The following MALT1 variants were observed in gnomAD, a reference collection of about 807,000 sequenced individuals.
MALT1 encodes mucosa-associated lymphoid tissue lymphoma translocation protein 1.
In MALT1, 36 loss-of-function variants were observed where a neutral mutation model predicts 85.5. The ratio of observed to expected loss-of-function variants is 0.42; its 90% CI spans 0.32 to 0.56. The LOEUF (loss-of-function observed/expected upper bound fraction) is 0.56. MALT1 is among the 20% of genes least tolerant of loss of function. MALT1 has a pLI of 0.10. For missense variants in MALT1, 716 were observed against 981.6 expected (o/e 0.73, Z 3.62); for synonymous variants, 359 against 361.3 (o/e 0.99, Z 0.07).
chr18:58,690,503 G>T, intron 2 of MALT1: 2 of 173,490 alleles, frequency 1.2e-5, no homozygotes, highest in South Asian at 3.2e-4. Flanking sequence ...TGGAGTGTAC[G>T]AGATCCCTGG....
At chr18:58,691,329 G>A in intron 2 of MALT1, 1 of 848,366 alleles carries the variant, frequency 1.2e-6, no homozygotes, top group Non-Finnish European at 1.8e-6. Flanking sequence ...TCAGCTGTGG[G>A]CCAAGATGAT....
In MALT1 at chr18:58,709,463, T is replaced by C. The variant is rs1401897613; in HGVS notation, c.735T>C (p.Val245=). ...SQKLMPGSTL[V]LQCVAVGSPI... is the part of the protein sequence containing the mutation. Reference sequence around the variant, plus strand: ...AGCTGATGCCAGGCAGCACATTGGTTTTACAGTGTGTTGCTGTTGGAAGCC... The same window carrying C: ...AGCTGATGCCAGGCAGCACATTGGTCTTACAGTGTGTTGCTGTTGGAAGCC... The change falls in exon 5 of 17, where the codon GTT becomes GTC. Residue 245 remains valine (V), a synonymous_variant. Coordinates refer to ENST00000649217, the MANE Select transcript of MALT1 (RefSeq NM_006785.4). 30 of 1,613,200 alleles carry C rather than the reference T, an allele frequency of 1.9e-5. No homozygotes were observed. The highest frequency in any genetic ancestry group is 2.5e-5 in the Non-Finnish European group (30 of 1,179,578).
intron 2 of MALT1, chr18:58,692,079 G>A (rs1218379190): frequency 6.7e-6 from 1 of 149,572 alleles, no homozygotes; most frequent in Non-Finnish European, 1.5e-5. Flanking sequence ...GAGGGTGGTT[G>A]TGGAATGCGT....
chr18:58,751,510 T>C lies in MALT1; in HGVS notation c.*3668T>C, dbSNP rs1038198054. On this transcript the variant is annotated 3_prime_UTR_variant, in exon 17 of 17. Transcript: ENST00000649217. The stretch of plus-strand genomic sequence containing the variant: ...GCTGAAACAGGAGAATCGCATGAAT[T>C]TTTTAAAAAATCTAAACATGTAATT... 6.6e-6 allele frequency: 1 copy of C among 152,188 alleles called. No homozygotes were observed. The highest frequency in any genetic ancestry group is 2.4e-5 in the African/African-American group (1 of 41,454). The allele number at this position is 152,188 out of a possible 1,614,324, so 9.4% of individuals were successfully genotyped here.
chr18:58,688,636 A>G (rs9964749), intron 2 of MALT1, among the ~76,000 whole-genome samples: 91,389 of 151,582 alleles, frequency 0.6, 29,941 homozygotes, highest in African/African-American at 0.88. Flanking sequence ...TGGCCATATG[A>G]TCCCTTTCCA....
At chr18:58,735,357 C>A in intron 13 of MALT1, 28 bp downstream of exon 13, 1 of 1,579,014 alleles carries the variant, frequency 6.3e-7, no homozygotes, top group African/African-American at 1.4e-5. Context: ...GAGAAAAGTA[C>A]TCAGAAAAAG....
chr18:58,732,103 A>G (rs2055159022), intron 10 of MALT1, among the ~76,000 whole-genome samples: 1 of 152,180 alleles, frequency 6.6e-6, no homozygotes, highest in Admixed American at 6.5e-5. Flanking sequence ...CCATAATTAC[A>G]ATGGATTAGC....
intron 8 of MALT1, 115 bp from the exon 9 acceptor site, chr18:58,715,820 G>C (rs2054891538): frequency 1.4e-6 from 1 of 738,986 alleles, no homozygotes; most frequent in Non-Finnish European, 2.4e-6. Context: ...AAAATCTGAA[G>C]AGTAGAAACT....
At position 58,752,573 on chromosome 18, in the gene MALT1, G is replaced by GT. The variant is rs2055460558; in HGVS notation, c.*4734dup. The GT allele has an allele frequency of 7.1e-6, 1 of 141,366 alleles. No individual in the cohort carries two copies. Among genetic ancestry groups the GT allele is most frequent in the South Asian group, 2.3e-4 (1 of 4,308 alleles). The allele number at this position is 141,366 out of a possible 1,614,324, so 8.8% of individuals were successfully genotyped here. ...GTAAGCAGATCATTTGAACCCAGGA[G>GT]TTTGAGACTAGCCTTGGCAACATGG... On this transcript the variant is annotated 3_prime_UTR_variant, in exon 17 of 17. Coordinates refer to ENST00000649217, the MANE Select transcript of MALT1 (RefSeq NM_006785.4).
intron 4 of MALT1, among the ~76,000 whole-genome samples, chr18:58,703,234 G>A (rs1475695394): frequency 6.6e-6 from 1 of 152,084 alleles, no homozygotes; most frequent in Non-Finnish European, 1.5e-5. Context: ...GCCCGTGACT[G>A]TAATCCCAGC....
At position 58,733,673 on chromosome 18, in the gene MALT1, G is replaced by A. The variant is rs145217106; in HGVS notation, c.1400+99G>A. On this transcript the variant is annotated intron_variant, in intron 11 of 16. Transcript: ENST00000649217. ...AATGCTAAAAGCCATTTGCGTTTGTGAATTTTAGTTTATACATTGAAACTG... is the reference window on the plus strand; with the variant it reads ...AATGCTAAAAGCCATTTGCGTTTGTAAATTTTAGTTTATACATTGAAACTG... The A allele has an allele frequency of 3.2e-4, 319 of 998,100 alleles. 1 individual carries two copies. The African/African-American group carries it at 3.6e-3, about 11-fold the overall frequency. 61.8% of individuals were successfully genotyped at this position (998,100 alleles called of 1,614,324 possible).
chr18:58,719,903 T>C (rs546011537), intron 9 of MALT1, among the ~76,000 whole-genome samples: 1 of 149,376 alleles, frequency 6.7e-6, no homozygotes, highest in East Asian at 1.9e-4. Flanking sequence ...AAATACTTAA[T>C]AGCATTTACT....
chr18:58,710,984 C>G, intron 7 of MALT1, 31 bp downstream of exon 7: 1 of 1,511,296 alleles, frequency 6.6e-7, no homozygotes, highest in South Asian at 1.3e-5. Flanking sequence ...GAAACCAAAT[C>G]TCCTGCATGC....
At chr18:58,718,881 G>C (rs1427926826) in intron 9 of MALT1, among the ~76,000 whole-genome samples, 1 of 152,138 alleles carries the variant, frequency 6.6e-6, no homozygotes, top group Non-Finnish European at 1.5e-5. Flanking sequence ...CGAATTGGGA[G>C]CTCTCAAGGG....
rs148849318 is a variant in MALT1 at position 58,714,439 on chromosome 18, G to A, written c.985+330G>A. Reference sequence around the variant, plus strand: ...GTGACCTTTAATCTGAAAGCAGGAAGCAGTGTTTGACAGAGTGACAGGGGT... The same window carrying A: ...GTGACCTTTAATCTGAAAGCAGGAAACAGTGTTTGACAGAGTGACAGGGGT... On this transcript the variant is annotated intron_variant, in intron 8 of 16. Coordinates refer to ENST00000649217, the MANE Select transcript of MALT1 (RefSeq NM_006785.4). Among the ~76,000 whole-genome samples, 716 of 152,300 alleles carry A rather than the reference G, an allele frequency of 4.7e-3. 3 individuals carry two copies. The highest frequency in any genetic ancestry group is 8.4e-3 in the Non-Finnish European group (569 of 68,016).
chr18:58,701,264 G>A (rs143637736), intron 4 of MALT1, among the ~76,000 whole-genome samples: 10 of 152,126 alleles, frequency 6.6e-5, no homozygotes, highest in African/African-American at 1.7e-4. Flanking sequence ...CTCACACACG[G>A]CACCTATATT....
At chr18:58,698,067 G>GTTTTTTTTTTTT (rs796905674) in intron 3 of MALT1, among the ~76,000 whole-genome samples, 1 of 74,976 alleles carries the variant, frequency 1.3e-5, no homozygotes, top group Non-Finnish European at 3.2e-5. Flanking sequence ...GTTTTGTTTT[G>GTTTTTTTTTTTT]TTTTTTTGTT....
Position 58,710,953 on chromosome 18 carries a change from G to A in MALT1, c.958G>A (p.Asp320Asn). The A allele has an allele frequency of 6.4e-7, 1 of 1,571,334 alleles. No homozygotes were observed. Among genetic ancestry groups the A allele is most frequent in the Non-Finnish European group, 8.6e-7 (1 of 1,163,156 alleles). Residue 320 changes from aspartate to asparagine, a missense_variant and splice_region_variant, in exon 7 of 17, where the codon GAT (aspartate) becomes AAT (asparagine). This residue lies in a region of MALT1 where 290 missense variants were observed against 380.5 expected (regional missense o/e 0.76). Transcript: ENST00000649217. ...RTDEAVECTE[D>N]ELNNLGHPDN... ...AGATGAGGCAGTGGAGTGCACTGAAGGTAGTGTAAGTCTTTGGTTTGAAAC... is the reference window on the plus strand; with the variant it reads ...AGATGAGGCAGTGGAGTGCACTGAAAGTAGTGTAAGTCTTTGGTTTGAAAC...
In MALT1 at chr18:58,702,866, C is replaced by A. The variant is rs201682655; in HGVS notation, c.649+2275C>A. 2.0e-5 allele frequency among the ~76,000 whole-genome samples: 3 copies of A among 152,304 alleles called. No individual in the cohort carries two copies. The East Asian group carries it at 5.8e-4, about 29-fold the overall frequency. Reference sequence around the variant, plus strand: ...GCATTGATCAAGACAAAAAACCAGTCTCCTCTAAAGAGTAGTTGTCAGATA... The same window carrying A: ...GCATTGATCAAGACAAAAAACCAGTATCCTCTAAAGAGTAGTTGTCAGATA... On this transcript the variant is annotated intron_variant, in intron 4 of 16. Coordinates refer to ENST00000649217, the MANE Select transcript of MALT1 (RefSeq NM_006785.4).
Sources: allele counts gnomAD v4.1 joint callset (sites outside exome capture counted in the v4.1 genomes callset), GRCh38; gene constraint gnomAD v4.1.1; regional missense constraint gnomAD v4.1.1; transcripts MANE v1.5; gene names NCBI Gene and HGNC (gene_info 2026-07-23, HGNC 2026-07-21).